ZNF714: variants seen among roughly 807,000 people sequenced by gnomAD.
The protein encoded by ZNF714 is zinc finger protein 714.
A neutral mutation model predicts 46.2 loss-of-function variants in ZNF714; 32 were observed. The observed-to-expected ratio is 0.69, with a 90% CI of 0.52 to 0.93. The LOEUF (loss-of-function observed/expected upper bound fraction) is 0.93, where lower values mean the gene tolerates loss of function less well. Among genes scored for constraint, ZNF714 ranks in the 40% least tolerant of loss-of-function variants. ZNF714 has a pLI of 0.00. For synonymous variants in ZNF714, 199 were observed against 213.1 expected (o/e 0.93, Z 0.58); for missense variants, 635 against 646.3 (o/e 0.98, Z 0.19).
chr19:21,109,365 C>A (rs1406191015), intron 4 of ZNF714, among the ~76,000 whole-genome samples: 2 of 152,010 alleles, frequency 1.3e-5, no homozygotes, highest in Non-Finnish European at 2.9e-5. Context: ...CAAATATTTG[C>A]CATCCCAAGC....
chr19:21,094,093 C>T (rs559423767), intron 2 of ZNF714, among the ~76,000 whole-genome samples: 17 of 152,274 alleles, frequency 1.1e-4, no homozygotes, highest in South Asian at 2.1e-4. Context: ...TGGGTTCAAA[C>T]GATTCTCCTG....
intron 4 of ZNF714, among the ~76,000 whole-genome samples, chr19:21,106,270 A>G (rs2144857935): frequency 6.7e-6 from 1 of 149,700 alleles, no homozygotes; most frequent in East Asian, 2.0e-4. Flanking sequence ...AAATAAATAA[A>G]TAAATAAAAT....
chr19:21,104,943 A>G (rs1364796211), intron 4 of ZNF714, among the ~76,000 whole-genome samples: 1 of 151,626 alleles, frequency 6.6e-6, no homozygotes, highest in African/African-American at 2.4e-5. Flanking sequence ...GTTTCTCTGC[A>G]AATCATTAAT....
intron 4 of ZNF714, among the ~76,000 whole-genome samples, chr19:21,110,485 C>G (rs1437481699): frequency 6.6e-6 from 1 of 152,138 alleles, no homozygotes; most frequent in Non-Finnish European, 1.5e-5. Flanking sequence ...TTTGTAGACT[C>G]TGGATATTAG....
Position 21,098,324 on chromosome 19 carries a change from T to G in ZNF714, c.43+13T>G. 6.2e-7 allele frequency: 1 copy of G among 1,607,706 alleles called. No individual in the cohort carries two copies. The highest frequency in any genetic ancestry group is 8.5e-7 in the Non-Finnish European group (1 of 1,178,556). On this transcript the variant is annotated intron_variant, in intron 3 of 4. Transcript: ENST00000456283. ...CTGGTCTTCTTGGGTGAGAATAACTTTAATACATAAGTCTTAATATACCCT... is the reference window on the plus strand; with the variant it reads ...CTGGTCTTCTTGGGTGAGAATAACTGTAATACATAAGTCTTAATATACCCT...
At chr19:21,102,906 TTC>T (rs1330020311) in intron 4 of ZNF714, among the ~76,000 whole-genome samples, 2 of 152,318 alleles carry the variant, frequency 1.3e-5, no homozygotes, top group Non-Finnish European at 1.5e-5. Flanking sequence ...CAATTTGCAG[TTC>T]TGTTTGTATA....
intron 4 of ZNF714, among the ~76,000 whole-genome samples, chr19:21,111,521 G>A (rs973471594): frequency 6.6e-6 from 1 of 151,706 alleles, no homozygotes; most frequent in Non-Finnish European, 1.5e-5. Context: ...CAAACATGTC[G>A]TCTGCAAGCT....
At chr19:21,093,954 A>G (rs977941745) in intron 2 of ZNF714, among the ~76,000 whole-genome samples, 42 of 152,086 alleles carry the variant, frequency 2.8e-4, no homozygotes, top group African/African-American at 9.9e-4. Flanking sequence ...ATTTTAATCT[A>G]GTCTACATTA....
At chr19:21,086,261 A>G (rs903002541) in intron 2 of ZNF714, among the ~76,000 whole-genome samples, 1 of 152,230 alleles carries the variant, frequency 6.6e-6, no homozygotes, top group Non-Finnish European at 1.5e-5. Context: ...CAAGGTCCCA[A>G]TTCAAGCCCC....
At chr19:21,087,715 A>T (rs7260268) in intron 2 of ZNF714, among the ~76,000 whole-genome samples, 125,835 of 152,146 alleles carry the variant, frequency 0.83, 53,693 homozygotes, top group Middle Eastern at 0.94. Context: ...ACACACAGAA[A>T]CTCTTTTGCA....
chr19:21,087,241 A>C (rs1464592305), intron 2 of ZNF714, among the ~76,000 whole-genome samples: 3 of 151,746 alleles, frequency 2.0e-5, no homozygotes, highest in South Asian at 2.1e-4. Flanking sequence ...AAAAAAAAAA[A>C]AAAAACATGA....
At chr19:21,094,023 C>A (rs1233118930) in intron 2 of ZNF714, among the ~76,000 whole-genome samples, 1 of 152,246 alleles carries the variant, frequency 6.6e-6, no homozygotes, top group Non-Finnish European at 1.5e-5. Context: ...CGGAGTCTCA[C>A]TCTGTTGCCC....
chr19:21,082,987 G>C (rs1968692080), intron 1 of ZNF714, among the ~76,000 whole-genome samples: 1 of 152,046 alleles, frequency 6.6e-6, no homozygotes, highest in African/African-American at 2.4e-5. Context: ...AGTTGGTTAA[G>C]GATGAATTTT....
At chr19:21,116,659 A>T (rs1969601532) in intron 4 of ZNF714, 148 bp from the exon 5 acceptor site, 1 of 993,488 alleles carries the variant, frequency 1.0e-6, no homozygotes, top group Non-Finnish European at 1.4e-6. Context: ...TGCTTTTATT[A>T]CATTTATATG....
rs1969657704 is a variant in ZNF714, at chr19:21,118,583, A to C, written c.*251A>C. ...AATTTATACTGGAGAGAAATTCTAC[A>C]AATGTGAAGAATATGGCAAAGCCTT... is the stretch of plus-strand genomic sequence containing the variant. On this transcript the variant is annotated 3_prime_UTR_variant, in exon 5 of 5. Coordinates refer to ENST00000456283, the MANE Select transcript of ZNF714 (RefSeq NM_182515.4). 3.5e-6 allele frequency: 1 copy of C among 285,578 alleles called. No individual in the cohort carries two copies. The highest frequency in any genetic ancestry group is 2.3e-5 in the African/African-American group (1 of 44,228). The allele number at this position is 285,578 out of a possible 1,614,324, so 17.7% of individuals were successfully genotyped here.
At position 21,122,602 on chromosome 19, in the gene ZNF714, CATAAA is replaced by C. The variant is rs1458970398; in HGVS notation, c.*4272_*4276del. On this transcript the variant is annotated 3_prime_UTR_variant, in exon 5 of 5. Transcript: ENST00000456283. ...ACAGCCTGGGTGACAGAATGAGACT[CATAAA>C]AAAAAAAATAAATTCTGCTTCTTTT... 6.6e-6 allele frequency: 1 copy of C among 150,880 alleles called. No individual in the cohort carries two copies. Among genetic ancestry groups the C allele is most frequent in the Non-Finnish European group, 1.5e-5 (1 of 67,730 alleles). The allele number at this position is 150,880 out of a possible 1,614,324, so 9.3% of individuals were successfully genotyped here.
intron 4 of ZNF714, among the ~76,000 whole-genome samples, chr19:21,106,822 T>TATG (rs1568279171): frequency 6.6e-6 from 1 of 151,892 alleles, no homozygotes; most frequent in East Asian, 1.9e-4. Flanking sequence ...TTTAGCTTAT[T>TATG]TATGTATGTA....
intron 1 of ZNF714, among the ~76,000 whole-genome samples, chr19:21,082,864 A>G: frequency 6.6e-6 from 1 of 152,204 alleles, no homozygotes; most frequent in Non-Finnish European, 1.5e-5. Flanking sequence ...AAACAGCATG[A>G]TGAAGAAAAC....
chr19:21,083,426 A>AT (rs1387484670), intron 1 of ZNF714, among the ~76,000 whole-genome samples: 1 of 151,998 alleles, frequency 6.6e-6, no homozygotes, highest in Non-Finnish European at 1.5e-5. Context: ...TGGGGAACTG[A>AT]TTTTCTGGTG....
Sources: gnomAD v4.1 joint callset for allele counts (sites outside exome capture counted in the v4.1 genomes callset) on GRCh38, gnomAD v4.1.1 for gene constraint, MANE v1.5 for transcripts, NCBI Gene and HGNC (gene_info 2026-07-23, HGNC 2026-07-21) for gene names.